FRY: variants seen among roughly 807,000 people sequenced by gnomAD.
The protein encoded by FRY is FRY microtubule binding protein.
Under a neutral mutation model 348.4 loss-of-function variants are expected in FRY, and 128 were observed. That is an observed-to-expected ratio of 0.37 (90% CI 0.32 to 0.43). The LOEUF (loss-of-function observed/expected upper bound fraction) is 0.43. FRY is among the 20% of genes least tolerant of loss of function. The pLI, the probability that FRY is intolerant of heterozygous loss-of-function variation, is 1.00. For synonymous variants in FRY, 1,370 were observed against 1,374.7 expected, an observed-to-expected ratio of 1.00 and a Z score of 0.08; for missense variants, 2,736 against 3,695.2, an observed-to-expected ratio of 0.74 and a Z score of 6.73.
chr13:32,107,141 G>A (rs995824913), intron 3 of FRY, among the ~76,000 whole-genome samples: 9 of 152,142 alleles, frequency 5.9e-5, no homozygotes, highest in African/African-American at 1.9e-4. Flanking sequence ...TGGATCACCC[G>A]AGCTCAAGAG....
At chr13:32,149,954 TG>T in intron 14 of FRY, 120 bp downstream of exon 14, 1 of 707,826 alleles carries the variant, frequency 1.4e-6, no homozygotes, top group South Asian at 1.6e-5. Context: ...TATTTGTTTC[TG>T]TCAATGTCCA....
intron 44 of FRY, among the ~76,000 whole-genome samples, chr13:32,238,479 A>C (rs1224648293): frequency 2.0e-5 from 3 of 151,748 alleles, no homozygotes; most frequent in Non-Finnish European, 4.4e-5. Context: ...TTTGAGACAG[A>C]GTCTTGCTCT....
In FRY at chr13:32,278,529, C is replaced by A; in HGVS notation, c.8450C>A (p.Pro2817Gln). Residue 2817 changes from proline to glutamine, a missense_variant, in exon 58 of 61, where the codon CCA becomes CAA. This residue lies in a region of FRY where 789 missense variants were observed against 996.2 expected (regional missense o/e 0.79). Transcript: ENST00000542859. The part of the protein sequence containing the change: ...GSRDGVITCQ[P>Q]GDSEEKQLEL... ...AGAGATGGAGTAATTACCTGTCAAC[C>A]AGGGGACTCCGAAGAAAAGGTAATA... The A allele has an allele frequency of 1.3e-6, 2 of 1,574,040 alleles. No individual in the cohort carries two copies. Among genetic ancestry groups the A allele is most frequent in the Non-Finnish European group, 1.7e-6 (2 of 1,143,702 alleles).
Position 32,178,920 on chromosome 13 carries a change from A to C in FRY, c.2758A>C (p.Ile920Leu). 1.2e-6 allele frequency: 2 copies of C among 1,613,424 alleles called. No homozygotes were observed. Among genetic ancestry groups the C allele is most frequent in the East Asian group, 2.2e-5 (1 of 44,874 alleles). ...TGTTACTTTGTGGAGAAATTACCTA[A>C]TTCTTTGTTTTGGAGTTGCAAAACC... ...NYVTLWRNYL[I>L]LCFGVAKPSI... Residue 920 changes from isoleucine to leucine, a missense_variant, in exon 22 of 61, where the codon ATT becomes CTT. This residue lies in a region of FRY where 449 missense variants were observed against 576.9 expected (regional missense o/e 0.78). Coordinates refer to ENST00000542859, the MANE Select transcript of FRY (RefSeq NM_023037.3).
chr13:32,284,437 GTCAA>G (rs1051876705), intron 58 of FRY, among the ~76,000 whole-genome samples: 4 of 152,228 alleles, frequency 2.6e-5, no homozygotes, highest in African/African-American at 9.6e-5. Context: ...TTCAGATATA[GTCAA>G]TCAGTCTTTC....
intron 47 of FRY, among the ~76,000 whole-genome samples, chr13:32,245,498 CA>C (rs1328319299): frequency 6.6e-6 from 1 of 151,944 alleles, no homozygotes; most frequent in Non-Finnish European, 1.5e-5. Context: ...CCTATAGTCC[CA>C]GCTACTTAGG....
chr13:32,081,905 T>A (rs774795787), intron 2 of FRY, among the ~76,000 whole-genome samples: 8 of 152,326 alleles, frequency 5.3e-5, no homozygotes, highest in Middle Eastern at 3.4e-3. Context: ...TCTTGTTGAG[T>A]TAGCTTCTTT....
chr13:32,261,569 T>A (rs1379954260), intron 51 of FRY, 47 bp from the exon 52 acceptor site: 1 of 1,455,250 alleles, frequency 6.9e-7, no homozygotes, highest in East Asian at 2.3e-5. Context: ...AACATGTGAG[T>A]GCAAGAGGAT....
chr13:32,170,938 C>A, intron 17 of FRY, 74 bp from the exon 18 acceptor site: 1 of 1,065,334 alleles, frequency 9.4e-7, no homozygotes. Context: ...ACATTAATAT[C>A]TATTAATCCT....
intron 1 of FRY, among the ~76,000 whole-genome samples, chr13:32,053,044 C>T (rs559655141): frequency 1.3e-5 from 2 of 151,518 alleles, no homozygotes; most frequent in Non-Finnish European, 2.9e-5. Context: ...ACCCGGGAGG[C>T]GGAGGTCGCA....
intron 46 of FRY, among the ~76,000 whole-genome samples, chr13:32,241,761 ATG>A (rs998639668): frequency 1.3e-5 from 2 of 152,168 alleles, no homozygotes; most frequent in Non-Finnish European, 1.5e-5. Flanking sequence ...ATTTTATGTT[ATG>A]TGTTTTTTAC....
chr13:32,140,772 A>C (rs1880015405), intron 11 of FRY, among the ~76,000 whole-genome samples: 1 of 152,188 alleles, frequency 6.6e-6, no homozygotes, highest in Admixed American at 6.5e-5. Context: ...TGTGTATAGC[A>C]CTTCAATATT....
At chr13:32,210,372 G>T (rs1311673881) in intron 33 of FRY, among the ~76,000 whole-genome samples, 2 of 152,206 alleles carry the variant, frequency 1.3e-5, no homozygotes, top group African/African-American at 4.8e-5. Flanking sequence ...GCAGGGCTCA[G>T]GTTGGACTAT....
At position 32,244,034 on chromosome 13, in the gene FRY, C is replaced by G; in HGVS notation, c.6688-8C>G. ...GTGACTGACTCCAGCCGCACTTTGC[C>G]CCCACAGCTGCTGGAGAAGGGCCTC... On this transcript the variant is annotated splice_region_variant and splice_polypyrimidine_tract_variant and intron_variant, in intron 46 of 60. Transcript: ENST00000542859. 6.2e-7 allele frequency: 1 copy of G among 1,613,626 alleles called. No individual in the cohort carries two copies. The highest frequency in any genetic ancestry group is 2.2e-5 in the East Asian group (1 of 44,884).
chr13:32,228,009 C>A (rs1227791586), intron 39 of FRY, among the ~76,000 whole-genome samples: 6 of 152,224 alleles, frequency 3.9e-5, no homozygotes, highest in Non-Finnish European at 8.8e-5. Flanking sequence ...CTCAGCCTCC[C>A]AAAGTGCTGG....
In FRY at chr13:32,131,654, C is replaced by CTTAGA; in HGVS notation, c.717-15_717-14insGATTA. On this transcript the variant is annotated splice_polypyrimidine_tract_variant and intron_variant, in intron 7 of 60. Transcript: ENST00000542859. ...TTCCTACCCAATATTTGATAAACCA[C>CTTAGA]TTATGTTATCTTCTTAGATTCCCTG... is the stretch of plus-strand genomic sequence containing the variant. The CTTAGA allele has an allele frequency of 6.2e-7, 1 of 1,604,212 alleles. No individual in the cohort carries two copies. Among genetic ancestry groups the CTTAGA allele is most frequent in the Non-Finnish European group, 8.5e-7 (1 of 1,172,084 alleles).
intron 16 of FRY, among the ~76,000 whole-genome samples, chr13:32,158,962 A>G (rs1330471029): frequency 1.3e-5 from 2 of 150,520 alleles, no homozygotes; most frequent in African/African-American, 4.9e-5. Context: ...AAAAAAAAAA[A>G]AAAAAAAAAA....
chr13:32,194,696 ACT>A (rs1034398488), intron 29 of FRY, among the ~76,000 whole-genome samples: 4 of 152,170 alleles, frequency 2.6e-5, no homozygotes, highest in Non-Finnish European at 4.4e-5. Flanking sequence ...AAATTTTTAA[ACT>A]CACTTTACCC....
At chr13:32,276,629 C>A in intron 57 of FRY, 67 bp downstream of exon 57, 1 of 835,450 alleles carries the variant, frequency 1.2e-6, no homozygotes, top group Non-Finnish European at 2.1e-6. Context: ...ACTCTGAGTT[C>A]TTGGGCGGGG....
Sources: allele counts gnomAD v4.1 joint callset (sites outside exome capture counted in the v4.1 genomes callset), GRCh38; gene constraint gnomAD v4.1.1; regional missense constraint gnomAD v4.1.1; transcripts MANE v1.5; gene names NCBI Gene and HGNC (gene_info 2026-07-23, HGNC 2026-07-21).